The following NUP153 variants were observed in gnomAD, a reference collection of about 807,000 sequenced individuals.
NUP153 encodes nuclear pore complex protein Nup153.
A neutral mutation model predicts 134.6 loss-of-function variants in NUP153; 27 were observed. That is an observed-to-expected ratio of 0.20 (90% CI 0.15 to 0.28). The LOEUF (loss-of-function observed/expected upper bound fraction) is 0.28. NUP153 is among the 10% of genes least tolerant of loss of function. The pLI is 1.00. For missense variants in NUP153, 1,821 were observed against 1,731.3 expected (o/e 1.05, Z -0.92); for synonymous variants, 640 against 623.5 (o/e 1.03, Z -0.40).
At chr6:17,660,765 C>G (rs932414252) in intron 11 of NUP153, among the ~76,000 whole-genome samples, 1 of 152,110 alleles carries the variant, frequency 6.6e-6, no homozygotes, top group Non-Finnish European at 1.5e-5. Flanking sequence ...ACATCTAATA[C>G]AGCAGAAGAT....
intron 7 of NUP153, 68 bp from the exon 8 acceptor site, chr6:17,669,096 TGAG>T: frequency 8.8e-7 from 1 of 1,132,396 alleles, no homozygotes; most frequent in Non-Finnish European, 1.2e-6. Flanking sequence ...TTTTTTTTTT[TGAG>T]ATGGAGTCTC....
chr6:17,616,635 G>A lies in NUP153; in HGVS notation c.4235C>T (p.Ser1412Leu). Residue 1412 changes from serine (S) to leucine (L), a missense_variant, in exon 21 of 22, where the codon TCA becomes TTA. By Grantham distance (145) the Ser-to-Leu change is moderately radical (BLOSUM62 -2). Transcript: ENST00000262077. The part of the protein sequence containing the change: ...TNFNFTNNSP[S>L]GVFTFGANSS... ...ATTTGCACCAAATGTGAACACTCCTGATGGACTGTTGTTTGTGAAGTTGAA... is the reference window on the plus strand; with the variant it reads ...ATTTGCACCAAATGTGAACACTCCTAATGGACTGTTGTTTGTGAAGTTGAA... 6.2e-7 allele frequency: 1 copy of A among 1,613,906 alleles called. No individual in the cohort carries two copies. Among genetic ancestry groups the A allele is most frequent in the Non-Finnish European group, 8.5e-7 (1 of 1,179,770 alleles).
chr6:17,665,516 CAAAT>C (rs1767480632), intron 8 of NUP153, 131 bp from the exon 9 acceptor site: 2 of 660,516 alleles, frequency 3.0e-6, no homozygotes, highest in Non-Finnish European at 5.0e-6. Flanking sequence ...TAGATACAAA[CAAAT>C]AAGAGGAAAA....
Position 17,675,142 on chromosome 6 carries a change from G to T in NUP153, c.723+87C>A. 1.3e-6 allele frequency: 2 copies of T among 1,521,098 alleles called. No individual in the cohort carries two copies. Among genetic ancestry groups the T allele is most frequent in the East Asian group, 2.3e-5 (1 of 43,850 alleles). 94.2% of individuals were successfully genotyped at this position (1,521,098 alleles called of 1,614,324 possible). A position where few individuals can be genotyped will look rare whatever the true frequency, so the allele number is the denominator to read the frequency against. On this transcript the variant is annotated intron_variant, in intron 4 of 21. Transcript: ENST00000262077. The surrounding 1 kb of genome is among the most constrained non-coding windows in gnomAD (Gnocchi z 4.4). ...CACTCAAGCCTGGGCAACAGCAAAA[G>T]ACTCTTGTCTCAGAAAAAAAAAAAA...
chr6:17,678,072 T>C (rs771412208), intron 2 of NUP153, among the ~76,000 whole-genome samples: 30 of 152,112 alleles, frequency 2.0e-4, no homozygotes, highest in Non-Finnish European at 2.1e-4. Context: ...AATATGATTC[T>C]GGGCTGGGCA....
chr6:17,639,325 C>T (rs569758833), intron 15 of NUP153, among the ~76,000 whole-genome samples: 88 of 152,154 alleles, frequency 5.8e-4, no homozygotes, highest in Admixed American at 2.8e-3. Flanking sequence ...GTGATCTGCC[C>T]GTCTTGGCCT....
In NUP153 at chr6:17,616,623, G is replaced by A; in HGVS notation, c.4247C>T (p.Thr1416Ile). The change falls in exon 21 of 22, where the codon ACA (threonine) becomes ATA (isoleucine). Residue 1416 changes from threonine to isoleucine, a missense_variant. Thr to Ile is a moderately conservative substitution (Grantham distance 89, BLOSUM62 -1). Transcript: ENST00000262077. ...AGGTGTGCTAGAATTTGCACCAAAT[G>A]TGAACACTCCTGATGGACTGTTGTT... Reference protein sequence around the residue: ...FTNNSPSGVFTFGANSSTPAA... With the variant: ...FTNNSPSGVFIFGANSSTPAA... 6.2e-7 allele frequency: 1 copy of A among 1,614,194 alleles called. No individual in the cohort carries two copies. Among genetic ancestry groups the A allele is most frequent in the Non-Finnish European group, 8.5e-7 (1 of 1,179,992 alleles).
Position 17,664,504 on chromosome 6 carries a change from C to T in NUP153, c.1215+735G>A, listed in dbSNP as rs868766576. 8.5e-5 allele frequency among the ~76,000 whole-genome samples: 13 copies of T among 152,110 alleles called. No individual in the cohort carries two copies. The South Asian group carries it at 2.3e-3, about 27-fold the overall frequency. On this transcript the variant is annotated intron_variant, in intron 9 of 21. Transcript: ENST00000262077. ...GGTTCAAAAAAGCAATTATGAAAAACGTTTCAATATGGACTGGATATTAGA... is the reference window on the plus strand; with the variant it reads ...GGTTCAAAAAAGCAATTATGAAAAATGTTTCAATATGGACTGGATATTAGA...
In NUP153 at chr6:17,637,167, A is replaced by G. The variant is rs766623299; in HGVS notation, c.2450T>C (p.Met817Thr). The change falls in exon 16 of 22, where the codon ATG (methionine) becomes ACG (threonine). Residue 817 changes from methionine (M) to threonine (T), a missense_variant. Met to Thr is a moderately conservative substitution (Grantham distance 81). Coordinates refer to ENST00000262077, the MANE Select transcript of NUP153 (RefSeq NM_005124.4). ...NAEDNKCVSC[M>T]SEKPGSSVPA... ...CAAAAACATACCTGGTTTCTCAGAC[A>G]TACAGGACACACACTTATTGTCTTC... 5 of 1,608,750 alleles carry G rather than the reference A, an allele frequency of 3.1e-6. No homozygotes were observed. Among genetic ancestry groups the G allele is most frequent in the Non-Finnish European group, 4.3e-6 (5 of 1,175,426 alleles).
intron 12 of NUP153, 37 bp from the exon 13 acceptor site, chr6:17,647,942 A>G: frequency 7.6e-7 from 1 of 1,309,882 alleles, no homozygotes; most frequent in South Asian, 1.2e-5. Flanking sequence ...ATACAAAAAG[A>G]GCTTTTTAGA....
At position 17,675,492 on chromosome 6, in the gene NUP153, A is replaced by G. The variant is rs756022354; in HGVS notation, c.583+30T>C. 11 of 1,610,584 alleles carry G rather than the reference A, an allele frequency of 6.8e-6. No individual in the cohort carries two copies. Among genetic ancestry groups the G allele is most frequent in the Non-Finnish European group, 9.3e-6 (11 of 1,178,102 alleles). ...CCCATAAAATTTAATGTTACTACCC[A>G]AATTATGTACTACCACATGTCAAGA... is the stretch of plus-strand genomic sequence containing the variant. On this transcript the variant is annotated intron_variant, in intron 3 of 21. Coordinates refer to ENST00000262077, the MANE Select transcript of NUP153 (RefSeq NM_005124.4). The surrounding 1 kb of genome is among the most constrained non-coding windows in gnomAD (Gnocchi z 4.4).
chr6:17,702,737 T>G (rs528221407), intron 1 of NUP153, among the ~76,000 whole-genome samples: 3 of 151,984 alleles, frequency 2.0e-5, no homozygotes, highest in African/African-American at 7.2e-5. Context: ...GGCAAAAAGG[T>G]AAAGGGGTAG....
Position 17,648,367 on chromosome 6 carries a change from A to G in NUP153, c.1534-462T>C, listed in dbSNP as rs576839354. ...AGTGGGGGCTCACGCTTGTAATCCTAGCACTTTGGGAGGCCAAGGCAGGCG... is the reference window on the plus strand; with the variant it reads ...AGTGGGGGCTCACGCTTGTAATCCTGGCACTTTGGGAGGCCAAGGCAGGCG... On this transcript the variant is annotated intron_variant, in intron 12 of 21. Coordinates refer to ENST00000262077, the MANE Select transcript of NUP153 (RefSeq NM_005124.4). Among the ~76,000 whole-genome samples, 242 of 152,298 alleles carry G rather than the reference A, an allele frequency of 1.6e-3. 2 individuals carry two copies. Among genetic ancestry groups the G allele is most frequent in the African/African-American group, 5.2e-3 (218 of 41,574 alleles).
At chr6:17,618,833 T>G (rs1764486936) in intron 20 of NUP153, among the ~76,000 whole-genome samples, 1 of 152,240 alleles carries the variant, frequency 6.6e-6, no homozygotes, top group Non-Finnish European at 1.5e-5. Flanking sequence ...CCCAAAGTGC[T>G]GGGATTACAG....
At chr6:17,690,900 G>C (rs1369036195) in intron 1 of NUP153, among the ~76,000 whole-genome samples, 1 of 152,162 alleles carries the variant, frequency 6.6e-6, no homozygotes, top group Non-Finnish European at 1.5e-5. Context: ...AGCACTTTGG[G>C]AGGCCGAGGT....
Position 17,680,904 on chromosome 6 carries a change from G to A in NUP153, c.335-5134C>T, listed in dbSNP as rs1768537588. ...AAAACTAAAAGTAGAACCACAATAT[G>A]ATCCAACAATCCCACTGCTGGGTAT... On this transcript the variant is annotated intron_variant, in intron 2 of 21. Transcript: ENST00000262077. This position sits in a 1 kb window ranked among gnomAD's most constrained non-coding sequence, Gnocchi z 4.5. Among the ~76,000 whole-genome samples the A allele has an allele frequency of 6.6e-6, 1 of 152,252 alleles. No homozygotes were observed. The highest frequency in any genetic ancestry group is 1.9e-4 in the East Asian group (1 of 5,174).
chr6:17,620,685 G>A (rs566075241), intron 20 of NUP153, among the ~76,000 whole-genome samples: 2 of 152,048 alleles, frequency 1.3e-5, no homozygotes, highest in Admixed American at 6.6e-5. Context: ...TTTTTTCTTG[G>A]CAATTTTCTT....
intron 17 of NUP153, among the ~76,000 whole-genome samples, chr6:17,630,212 G>A (rs1301302617): frequency 1.3e-5 from 2 of 152,112 alleles, no homozygotes; most frequent in Non-Finnish European, 2.9e-5. Flanking sequence ...TGGGAGGGAA[G>A]GTGGAAAAAG....
chr6:17,679,362 G>A (rs781634251), intron 2 of NUP153, among the ~76,000 whole-genome samples: 3 of 152,108 alleles, frequency 2.0e-5, no homozygotes, highest in Non-Finnish European at 2.9e-5. Flanking sequence ...AAACAGTACC[G>A]AAAGAAAGAA....
Sources: gnomAD v4.1 joint callset for allele counts (sites outside exome capture counted in the v4.1 genomes callset) on GRCh38, gnomAD v4.1.1 for gene constraint, Gnocchi (gnomAD v3.1) non-coding constraint, MANE v1.5 for transcripts, NCBI Gene and HGNC (gene_info 2026-07-23, HGNC 2026-07-21) for gene names.